The following TXNRD2 variants were observed in gnomAD, a reference collection of about 807,000 sequenced individuals.
TXNRD2 encodes the protein thioredoxin reductase 2, mitochondrial.
TXNRD2 carries 67 observed loss-of-function variants against 70.8 expected under a neutral mutation model. The ratio of observed to expected loss-of-function variants is 0.95; its 90% CI spans 0.78 to 1.16. The LOEUF is 1.16. TXNRD2 is among the 50% of genes most tolerant of loss of function. The probability of loss-of-function intolerance (pLI) is 0.00; values close to 1 mark genes in which losing one functional copy is unlikely to be tolerated. For synonymous variants in TXNRD2, 301 were observed against 295.8 expected, an observed-to-expected ratio of 1.02 and a Z score of -0.18; for missense variants, 644 against 719.9, an observed-to-expected ratio of 0.89 and a Z score of 1.21.
chr22:19,888,879 CTTCT>C (rs1340712670), intron 11 of TXNRD2, among the ~76,000 whole-genome samples: 2 of 102,098 alleles, frequency 2.0e-5, no homozygotes, highest in African/African-American at 2.9e-5. Flanking sequence ...AAATATTTAT[CTTCT>C]TTTTTTTTTT....
chr22:19,919,570 C>T lies in TXNRD2; in HGVS notation c.202G>A (p.Val68Met). 1 of 1,564,098 alleles carries T rather than the reference C, an allele frequency of 6.4e-7. No homozygotes were observed. The highest frequency in any genetic ancestry group is 8.7e-7 in the Non-Finnish European group (1 of 1,155,172). The change falls in exon 3 of 18, where the codon GTG becomes ATG. Residue 68 changes from valine (V) to methionine (M), a missense_variant. Physicochemically the swap from Val to Met is conservative, Grantham distance 21. Around this residue, in one of 3 missense-constraint regions of TXNRD2, gnomAD observed 566 missense variants for 645.0 expected, o/e 0.88. Transcript: ENST00000400521. Reference sequence around the variant, plus strand: ...TGGGGAGAAGGTTCCACGTAGTCCACCACGGCCACCTTCCTTCCCAGCTGG... The same window carrying T: ...TGGGGAGAAGGTTCCACGTAGTCCATCACGGCCACCTTCCTTCCCAGCTGG... Reference protein sequence around the residue: ...AAQLGRKVAVVDYVEPSPQGT... With the variant: ...AAQLGRKVAVMDYVEPSPQGT...
At chr22:19,917,808 C>T (rs865861414) in intron 5 of TXNRD2, among the ~76,000 whole-genome samples, 17 of 152,310 alleles carry the variant, frequency 1.1e-4, no homozygotes, top group Middle Eastern at 3.4e-3. Flanking sequence ...CACATATTAG[C>T]CCCAGGCCTA....
At chr22:19,901,095 A>T (rs1840113735) in intron 8 of TXNRD2, among the ~76,000 whole-genome samples, 1 of 152,138 alleles carries the variant, frequency 6.6e-6, no homozygotes, top group African/African-American at 2.4e-5. Flanking sequence ...ATTGCTAGGG[A>T]TACAGCAACA....
chr22:19,931,165 A>C, intron 1 of TXNRD2, 67 bp from the exon 2 acceptor site: 2 of 1,458,430 alleles, frequency 1.4e-6, no homozygotes, highest in Non-Finnish European at 1.9e-6. Flanking sequence ...GATCAATTTT[A>C]TCAGGATTGG....
At position 19,898,964 on chromosome 22, in the gene TXNRD2, G is replaced by A. The variant is rs1255688936; in HGVS notation, c.682+85C>T. ...GCCGATCTGAGGCAGCAAAGAGCCTGCCGGAAGGGCGGGTGGCAGGGAGGG... is the reference window on the plus strand; with the variant it reads ...GCCGATCTGAGGCAGCAAAGAGCCTACCGGAAGGGCGGGTGGCAGGGAGGG... On this transcript the variant is annotated intron_variant, in intron 9 of 17. Transcript: ENST00000400521. The A allele has an allele frequency of 3.2e-6, 5 of 1,560,292 alleles. No individual in the cohort carries two copies. The African/African-American group carries it at 6.7e-5, about 21-fold the overall frequency.
intron 10 of TXNRD2, 61 bp downstream of exon 10, chr22:19,897,978 G>T: frequency 1.4e-6 from 2 of 1,396,624 alleles, no homozygotes. Context: ...CTGCCTGGGA[G>T]GGGGCTGTGG....
intron 8 of TXNRD2, among the ~76,000 whole-genome samples, chr22:19,900,376 G>A (rs1009474968): frequency 3.3e-5 from 5 of 152,172 alleles, no homozygotes; most frequent in East Asian, 1.9e-4. Context: ...ATCTCTACAC[G>A]GAAGTGCACT....
intron 8 of TXNRD2, among the ~76,000 whole-genome samples, chr22:19,907,331 G>GGC (rs1940092149): frequency 3.6e-5 from 1 of 27,502 alleles, no homozygotes; most frequent in East Asian, 9.0e-4. Flanking sequence ...GGAGAGTGTG[G>GGC]GCACCGTAAG....
intron 15 of TXNRD2, 78 bp downstream of exon 15, chr22:19,878,288 T>G (rs1184966353): frequency 2.3e-5 from 36 of 1,595,132 alleles, no homozygotes; most frequent in Non-Finnish European, 3.0e-5. Flanking sequence ...GTGGGGCCAG[T>G]CCTCGGGTGT....
intron 11 of TXNRD2, among the ~76,000 whole-genome samples, chr22:19,889,244 C>T (rs113109341): frequency 0.011 from 1,705 of 152,266 alleles, 33 homozygotes; most frequent in African/African-American, 0.038. Flanking sequence ...TGGAGTACGG[C>T]GCAGCCCCCA....
intron 1 of TXNRD2, among the ~76,000 whole-genome samples, chr22:19,937,413 G>A (rs1350351320): frequency 2.6e-5 from 4 of 152,198 alleles, no homozygotes; most frequent in African/African-American, 9.7e-5. Flanking sequence ...ACAAGATGCT[G>A]TTGAAAAATC....
intron 11 of TXNRD2, among the ~76,000 whole-genome samples, chr22:19,891,260 C>T (rs1024207720): frequency 6.6e-6 from 1 of 152,208 alleles, no homozygotes; most frequent in Non-Finnish European, 1.5e-5. Context: ...TGGCCACCCT[C>T]CCTGGCACTC....
intron 8 of TXNRD2, among the ~76,000 whole-genome samples, chr22:19,909,809 ACTCACACACAC>A (rs2146018719): frequency 1.3e-5 from 1 of 75,374 alleles, no homozygotes; most frequent in Non-Finnish European, 2.5e-5. Context: ...CACACACACC[ACTCACACACAC>A]ACCACACACC....
chr22:19,930,928 G>A, intron 2 of TXNRD2, 102 bp downstream of exon 2: 5 of 1,032,750 alleles, frequency 4.8e-6, no homozygotes, highest in South Asian at 2.5e-5. Context: ...CCCCAGCAGG[G>A]AGGCAACGCA....
chr22:19,928,550 T>C (rs1941239741), intron 2 of TXNRD2, among the ~76,000 whole-genome samples: 1 of 152,214 alleles, frequency 6.6e-6, no homozygotes, highest in East Asian at 1.9e-4. Flanking sequence ...CATGCCTGGT[T>C]GCCTAGGATG....
At chr22:19,891,975 A>G (rs1939281497) in intron 11 of TXNRD2, among the ~76,000 whole-genome samples, 2 of 152,214 alleles carry the variant, frequency 1.3e-5, no homozygotes. Flanking sequence ...CGCCAGGCAC[A>G]CGGGCAACGG....
chr22:19,906,981 C>T (rs1370874486), intron 8 of TXNRD2, among the ~76,000 whole-genome samples: 3 of 80,186 alleles, frequency 3.7e-5, no homozygotes, highest in Non-Finnish European at 7.2e-5. Context: ...GTGTGGGCAC[C>T]GTGGGTAGCA....
intron 8 of TXNRD2, among the ~76,000 whole-genome samples, chr22:19,906,491 G>A (rs909743822): frequency 1.3e-5 from 2 of 152,082 alleles, no homozygotes; most frequent in Middle Eastern, 3.4e-3. Flanking sequence ...GCGTGGTGGC[G>A]AGCGCCTGTA....
At chr22:19,889,834 C>A (rs1268505594) in intron 11 of TXNRD2, among the ~76,000 whole-genome samples, 1 of 152,122 alleles carries the variant, frequency 6.6e-6, no homozygotes, top group Non-Finnish European at 1.5e-5. Flanking sequence ...AGGGCACCTG[C>A]AGACATTAGA....
Sources: allele counts gnomAD v4.1 joint callset (sites outside exome capture counted in the v4.1 genomes callset), GRCh38; gene constraint gnomAD v4.1.1; regional missense constraint gnomAD v4.1.1; transcripts MANE v1.5; gene names NCBI Gene and HGNC (gene_info 2026-07-23, HGNC 2026-07-21).